Variants in TTC28 observed in about 807,000 individuals in gnomAD.
The protein encoded by TTC28 is tetratricopeptide repeat protein 28.
Under a neutral mutation model 198.0 loss-of-function variants are expected in TTC28, and 61 were observed. That is an observed-to-expected ratio of 0.31 (90% CI 0.25 to 0.38). The LOEUF (loss-of-function observed/expected upper bound fraction) is 0.38, where lower values mean the gene tolerates loss of function less well. Among genes scored for constraint, TTC28 ranks in the 10% least tolerant of loss-of-function variants. The pLI, the probability that TTC28 is intolerant of heterozygous loss-of-function variation, is 1.00. For synonymous variants in TTC28, 1,171 were observed against 1,297.8 expected, an observed-to-expected ratio of 0.90 and a Z score of 2.10; for missense variants, 2,678 against 3,164.0, an observed-to-expected ratio of 0.85 and a Z score of 3.69.
intron 5 of TTC28, among the ~76,000 whole-genome samples, chr22:28,255,913 G>A (rs1421679877): frequency 1.3e-5 from 2 of 152,114 alleles, no homozygotes; most frequent in African/African-American, 4.8e-5. Flanking sequence ...AAGCTAGCCT[G>A]TCCTTTCTGA....
rs961236168 is a variant in TTC28 at position 28,030,257 on chromosome 22, G to T, written c.4042C>A (p.Arg1348=). The T allele has an allele frequency of 1.3e-6, 2 of 1,551,614 alleles. No homozygotes were observed. The highest frequency in any genetic ancestry group is 2.7e-5 in the African/African-American group (2 of 73,054). ...NSVTDPTGFL[R]MVRRNNLFNR... Reference sequence around the variant, plus strand: ...AACAGGTTATTGCGGCGAACCATCCGCAGAAAGCCAGTGGGGTCAGTGACC... The same window carrying T: ...AACAGGTTATTGCGGCGAACCATCCTCAGAAAGCCAGTGGGGTCAGTGACC... The change falls in exon 13 of 23, where the codon CGG becomes AGG. Residue 1348 remains arginine (R), a synonymous_variant. Transcript: ENST00000397906.
intron 12 of TTC28, among the ~76,000 whole-genome samples, chr22:28,063,445 T>G (rs890056560): frequency 6.6e-6 from 1 of 152,182 alleles, no homozygotes; most frequent in African/African-American, 2.4e-5. Context: ...CTTTCTTCCA[T>G]GTTTTGACAC....
intron 2 of TTC28, among the ~76,000 whole-genome samples, chr22:28,398,688 T>C (rs1443761435): frequency 6.6e-6 from 1 of 152,212 alleles, no homozygotes; most frequent in Non-Finnish European, 1.5e-5. Flanking sequence ...AATTTATTGA[T>C]CTCTAATATG....
intron 5 of TTC28, among the ~76,000 whole-genome samples, chr22:28,183,683 G>A (rs977235531): frequency 1.1e-4 from 17 of 152,186 alleles, no homozygotes; most frequent in South Asian, 2.1e-4. Flanking sequence ...TCGTTTGGCA[G>A]CCATCCAAGA....
rs570382263 is a variant in TTC28 at position 28,599,674 on chromosome 22, A to C, written c.381+29878T>G. ...AGTAACTTAGTCCATGAGGGGTCCA[A>C]ATAAGGGTAGCCCTAGTACCATGTC... On this transcript the variant is annotated intron_variant, in intron 2 of 22. Transcript: ENST00000397906. 3.2e-4 allele frequency among the ~76,000 whole-genome samples: 49 copies of C among 152,202 alleles called. 1 individual carries two copies. The highest frequency in any genetic ancestry group is 6.3e-4 in the Non-Finnish European group (43 of 68,042).
intron 6 of TTC28, among the ~76,000 whole-genome samples, chr22:28,114,363 T>C (rs939796966): frequency 1.3e-5 from 2 of 152,188 alleles, no homozygotes; most frequent in African/African-American, 4.8e-5. Flanking sequence ...TTCTACATTG[T>C]ACTTAAAATA....
chr22:28,623,128 T>C (rs777530888), intron 2 of TTC28, among the ~76,000 whole-genome samples: 3 of 151,896 alleles, frequency 2.0e-5, no homozygotes, highest in Non-Finnish European at 4.4e-5. Flanking sequence ...CGGCCCAAAA[T>C]AGATATTTTT....
chr22:28,353,731 A>G (rs1163588435), intron 2 of TTC28, among the ~76,000 whole-genome samples: 1 of 152,220 alleles, frequency 6.6e-6, no homozygotes, highest in Admixed American at 6.5e-5. Flanking sequence ...CAAAGAGAGT[A>G]AAAAGACAAC....
chr22:28,249,861 G>A (rs958772843), intron 5 of TTC28, among the ~76,000 whole-genome samples: 1 of 152,148 alleles, frequency 6.6e-6, no homozygotes, highest in African/African-American at 2.4e-5. Context: ...TACCTCAGAG[G>A]TCGGGCCTGA....
intron 13 of TTC28, among the ~76,000 whole-genome samples, chr22:28,014,896 A>G (rs1264517170): frequency 6.6e-6 from 1 of 152,226 alleles, no homozygotes; most frequent in Non-Finnish European, 1.5e-5. Flanking sequence ...GCAAGGCAGT[A>G]GAAACCCCTG....
chr22:28,460,103 G>A (rs989334188), intron 2 of TTC28, among the ~76,000 whole-genome samples: 1 of 152,148 alleles, frequency 6.6e-6, no homozygotes, highest in Non-Finnish European at 1.5e-5. Flanking sequence ...CGACAGAACA[G>A]CTATTTGTCT....
chr22:28,091,675 G>A (rs1319545821), intron 12 of TTC28, among the ~76,000 whole-genome samples: 2 of 152,128 alleles, frequency 1.3e-5, no homozygotes, highest in Non-Finnish European at 2.9e-5. Context: ...TGCTCTCTTA[G>A]ATCCCTGCTG....
chr22:28,287,816 A>C (rs2044712632), intron 5 of TTC28, among the ~76,000 whole-genome samples: 2 of 152,174 alleles, frequency 1.3e-5, no homozygotes, highest in Admixed American at 1.3e-4. Flanking sequence ...GGATAACTCA[A>C]AGAGCTTATA....
Position 28,107,837 on chromosome 22 carries a change from T to C in TTC28, c.2008A>G (p.Lys670Glu). 6.4e-7 allele frequency: 1 copy of C among 1,551,920 alleles called. No individual in the cohort carries two copies. Among genetic ancestry groups the C allele is most frequent in the Non-Finnish European group, 8.7e-7 (1 of 1,147,042 alleles). ...CAGTAGGCTTTTGCTTGGCTCAACT[T>C]GTCGTGAAGGTCTTTAGCCAGTGCC... ...DLALAKDLHD[K>E]LSQAKAYCNL... Residue 670 changes from lysine (K) to glutamate (E), a missense_variant, in exon 7 of 23, where the codon AAG (lysine) becomes GAG (glutamate). Around this residue, in one of 8 missense-constraint regions of TTC28, gnomAD observed 775 missense variants for 845.9 expected, o/e 0.92. Coordinates refer to ENST00000397906, the MANE Select transcript of TTC28 (RefSeq NM_001145418.2).
chr22:28,428,118 C>T (rs1170103223), intron 2 of TTC28, among the ~76,000 whole-genome samples: 5 of 147,006 alleles, frequency 3.4e-5, no homozygotes, highest in East Asian at 2.0e-4. Flanking sequence ...AACATCGTAC[C>T]GTAAGACAAA....
chr22:28,672,999 A>G (rs2051914217), intron 1 of TTC28, among the ~76,000 whole-genome samples: 1 of 152,192 alleles, frequency 6.6e-6, no homozygotes, highest in African/African-American at 2.4e-5. Flanking sequence ...GGTTTTGTGG[A>G]TAAAGAGTAG....
chr22:28,199,056 T>C (rs967702366), intron 5 of TTC28, among the ~76,000 whole-genome samples: 1 of 152,104 alleles, frequency 6.6e-6, no homozygotes, highest in African/African-American at 2.4e-5. Context: ...TACAACTGTA[T>C]GTGCAATGCA....
chr22:28,306,205 G>A (rs548664544), intron 3 of TTC28, among the ~76,000 whole-genome samples: 7 of 152,130 alleles, frequency 4.6e-5, no homozygotes, highest in South Asian at 2.1e-4. Context: ...AAATAATCCC[G>A]AAAGCCAAAG....
At chr22:27,998,446 C>G in intron 16 of TTC28, 94 bp downstream of exon 16, 2 of 1,458,938 alleles carry the variant, frequency 1.4e-6, no homozygotes, top group Non-Finnish European at 9.0e-7. Flanking sequence ...GCCCTGCCCT[C>G]CCCTCCCCAA....
Sources: allele counts gnomAD v4.1 joint callset (sites outside exome capture counted in the v4.1 genomes callset), GRCh38; gene constraint gnomAD v4.1.1; regional missense constraint gnomAD v4.1.1; transcripts MANE v1.5; gene names NCBI Gene and HGNC (gene_info 2026-07-23, HGNC 2026-07-21).